The following PDZRN3 variants were observed in gnomAD, a reference collection of about 807,000 sequenced individuals.
PDZRN3 encodes PDZ domain containing ring finger 3.
A neutral mutation model predicts 85.7 loss-of-function variants in PDZRN3; 38 were observed. The ratio of observed to expected loss-of-function variants is 0.44; its 90% CI spans 0.34 to 0.58. PDZRN3 has a LOEUF of 0.58. Ranked by LOEUF, PDZRN3 falls within the 20% of genes least tolerant of loss-of-function variation. The pLI, the probability that PDZRN3 is intolerant of heterozygous loss-of-function variation, is 0.01. For synonymous variants in PDZRN3, 759 were observed against 638.0 expected, an observed-to-expected ratio of 1.19 and a Z score of -2.86; for missense variants, 1,629 against 1,506.4, an observed-to-expected ratio of 1.08 and a Z score of -1.35.
intron 3 of PDZRN3, among the ~76,000 whole-genome samples, chr3:73,494,476 C>T (rs958928855): frequency 1.3e-5 from 2 of 152,128 alleles, no homozygotes; most frequent in Non-Finnish European, 2.9e-5. Flanking sequence ...TCTACATCTG[C>T]CTTATGGAAA....
At chr3:73,394,593 C>T (rs1701598752) in intron 5 of PDZRN3, among the ~76,000 whole-genome samples, 1 of 152,144 alleles carries the variant, frequency 6.6e-6, no homozygotes, top group African/African-American at 2.4e-5. Flanking sequence ...AATAAAAAAG[C>T]AAAGGGTATT....
intron 5 of PDZRN3, among the ~76,000 whole-genome samples, chr3:73,392,739 T>C (rs982441481): frequency 6.6e-6 from 1 of 152,234 alleles, no homozygotes; most frequent in Non-Finnish European, 1.5e-5. Context: ...AATATGTTAA[T>C]TAATTCAACA....
intron 3 of PDZRN3, among the ~76,000 whole-genome samples, chr3:73,571,367 A>C (rs1363322295): frequency 1.3e-5 from 2 of 152,168 alleles, no homozygotes; most frequent in Non-Finnish European, 2.9e-5. Flanking sequence ...TTATCTTCAA[A>C]AACAGATAGC....
intron 1 of PDZRN3, among the ~76,000 whole-genome samples, chr3:73,622,183 G>C (rs1575767910): frequency 6.6e-6 from 1 of 152,196 alleles, no homozygotes; most frequent in South Asian, 2.1e-4. Flanking sequence ...TTGTGTGCCT[G>C]TGAGGTCCTG....
At chr3:73,440,254 C>T (rs1226568127) in intron 3 of PDZRN3, among the ~76,000 whole-genome samples, 1 of 152,112 alleles carries the variant, frequency 6.6e-6, no homozygotes, top group African/African-American at 2.4e-5. Flanking sequence ...CTGAGCCCTG[C>T]TGGGAAGGGG....
chr3:73,451,183 C>T (rs1702851943), intron 3 of PDZRN3, among the ~76,000 whole-genome samples: 1 of 152,108 alleles, frequency 6.6e-6, no homozygotes. Flanking sequence ...GGGGAGCAGG[C>T]CCCTGGGACA....
At chr3:73,545,452 T>A (rs1265835226) in intron 3 of PDZRN3, among the ~76,000 whole-genome samples, 1 of 152,094 alleles carries the variant, frequency 6.6e-6, no homozygotes, top group African/African-American at 2.4e-5. Context: ...AGAAAAAAAA[T>A]GCAACTGGAC....
At chr3:73,570,961 T>C (rs1018909341) in intron 3 of PDZRN3, among the ~76,000 whole-genome samples, 1 of 152,176 alleles carries the variant, frequency 6.6e-6, no homozygotes, top group Non-Finnish European at 1.5e-5. Context: ...GAAGAAAACT[T>C]GTGCACAAGA....
intron 3 of PDZRN3, among the ~76,000 whole-genome samples, chr3:73,591,128 T>C (rs11128348): frequency 0.18 from 27,280 of 152,134 alleles, 3,020 homozygotes; most frequent in Non-Finnish European, 0.24. Context: ...TATCAAGACA[T>C]AAAAAGTTAC....
At chr3:73,582,959 C>T (rs548109753) in intron 3 of PDZRN3, among the ~76,000 whole-genome samples, 1 of 152,262 alleles carries the variant, frequency 6.6e-6, no homozygotes, top group Non-Finnish European at 1.5e-5. Flanking sequence ...TATAGCCTTA[C>T]ATTTTTTGCA....
At chr3:73,411,973 C>T (rs772262999) in intron 3 of PDZRN3, among the ~76,000 whole-genome samples, 4 of 152,188 alleles carry the variant, frequency 2.6e-5, no homozygotes, top group Non-Finnish European at 5.9e-5. Flanking sequence ...ATCACTGTTT[C>T]GCAGACAAAA....
chr3:73,590,570 A>C (rs1191031215), intron 3 of PDZRN3, among the ~76,000 whole-genome samples: 1 of 152,196 alleles, frequency 6.6e-6, no homozygotes, highest in East Asian at 1.9e-4. Flanking sequence ...ATCATCTAAA[A>C]AGAAAGTAGT....
rs1473940287 is a variant in PDZRN3, at chr3:73,408,019, A to G, written c.919-3624T>C. 16 of 622,432 alleles carry G rather than the reference A, an allele frequency of 2.6e-5. No individual in the cohort carries two copies. In the East Asian group the frequency reaches 4.5e-4, roughly 17 times the overall value. The allele number at this position is 622,432 out of a possible 1,614,324, so 38.6% of individuals were successfully genotyped here. On this transcript the variant is annotated intron_variant, in intron 3 of 9. Coordinates refer to ENST00000263666, the MANE Select transcript of PDZRN3 (RefSeq NM_015009.3). ...CCACACAAGAATGTCCCCCCTGCCTACAGCTGGGTTCCACAGAAACGCATT... is the reference window on the plus strand; with the variant it reads ...CCACACAAGAATGTCCCCCCTGCCTGCAGCTGGGTTCCACAGAAACGCATT...
intron 3 of PDZRN3, among the ~76,000 whole-genome samples, chr3:73,438,081 TCA>T (rs1455131606): frequency 3.3e-5 from 5 of 152,182 alleles, no homozygotes; most frequent in African/African-American, 1.2e-4. Context: ...CCTAATAAGC[TCA>T]CCAGAGCACA....
intron 3 of PDZRN3, among the ~76,000 whole-genome samples, chr3:73,483,009 A>G (rs997050413): frequency 1.3e-5 from 2 of 152,258 alleles, no homozygotes; most frequent in African/African-American, 2.4e-5. Context: ...CTAGTGCCTT[A>G]GAGAACAGAA....
chr3:73,407,293 C>T (rs533021701), intron 3 of PDZRN3, among the ~76,000 whole-genome samples: 1 of 152,158 alleles, frequency 6.6e-6, no homozygotes, highest in Non-Finnish European at 1.5e-5. Flanking sequence ...ATCTTGGGAC[C>T]ATGTGGGGAG....
intron 3 of PDZRN3, among the ~76,000 whole-genome samples, chr3:73,504,019 C>T (rs1184325543): frequency 2.0e-5 from 3 of 152,134 alleles, no homozygotes; most frequent in Admixed American, 6.6e-5. Flanking sequence ...CACAGTATCC[C>T]GAAGTCACAG....
At chr3:73,503,407 G>A (rs1704017734) in intron 3 of PDZRN3, among the ~76,000 whole-genome samples, 1 of 152,136 alleles carries the variant, frequency 6.6e-6, no homozygotes, top group South Asian at 2.1e-4. Flanking sequence ...CATTACACAT[G>A]AATATTTTTA....
At chr3:73,482,364 G>T (rs1703579592) in intron 3 of PDZRN3, among the ~76,000 whole-genome samples, 1 of 152,070 alleles carries the variant, frequency 6.6e-6, no homozygotes. Flanking sequence ...CAAAGAAAAG[G>T]AGATAAATCC....
Sources: gnomAD v4.1 joint callset for allele counts (sites outside exome capture counted in the v4.1 genomes callset) on GRCh38, gnomAD v4.1.1 for gene constraint, MANE v1.5 for transcripts, NCBI Gene and HGNC (gene_info 2026-07-23, HGNC 2026-07-21) for gene names.